Variants in TENM3 observed in about 807,000 individuals in gnomAD.
The protein encoded by TENM3 is teneurin-3.
In TENM3, 63 loss-of-function variants were observed where a neutral mutation model predicts 255.1. The observed-to-expected ratio is 0.25, with a 90% confidence interval of 0.20 to 0.30. The LOEUF (loss-of-function observed/expected upper bound fraction) is 0.30, where lower values mean the gene tolerates loss of function less well. Ranked by LOEUF, TENM3 falls within the 10% of genes least tolerant of loss-of-function variation. TENM3 has a pLI of 1.00. For synonymous variants in TENM3, 1,306 were observed against 1,322.3 expected (o/e 0.99, Z 0.27); for missense variants, 2,929 against 3,461.1 (o/e 0.85, Z 3.86).
At chr4:182,516,791 T>G (rs1427967016) in intron 3 of TENM3, among the ~76,000 whole-genome samples, 3 of 151,654 alleles carry the variant, frequency 2.0e-5, no homozygotes, top group African/African-American at 7.3e-5. Context: ...CATGGGAGGC[T>G]GAGACAGGAG....
chr4:182,096,078 C>G, the TENM3 span, among the ~76,000 whole-genome samples: 1 of 144,286 alleles, frequency 6.9e-6, no homozygotes, highest in African/African-American at 2.6e-5. Context: ...GACAGTGAGC[C>G]AAAATCATGC....
the TENM3 span, among the ~76,000 whole-genome samples, chr4:181,921,097 C>T: frequency 6.6e-6 from 1 of 152,156 alleles, no homozygotes; most frequent in African/African-American, 2.4e-5. Context: ...ATCTATGTCT[C>T]TGTTTTGGTA....
chr4:181,527,073 C>T, the TENM3 span, among the ~76,000 whole-genome samples: 9 of 115,054 alleles, frequency 7.8e-5, no homozygotes, highest in East Asian at 9.1e-4. Flanking sequence ...GCCCCCTGTG[C>T]GACCAGTCAG....
At chr4:182,683,054 GT>G (rs1756295616) in intron 11 of TENM3, among the ~76,000 whole-genome samples, 1 of 152,080 alleles carries the variant, frequency 6.6e-6, no homozygotes, top group Non-Finnish European at 1.5e-5. Context: ...CTGGGTAAGG[GT>G]ATAATTTTTG....
intron 6 of TENM3, among the ~76,000 whole-genome samples, chr4:182,670,703 T>A (rs910041760): frequency 1.3e-4 from 20 of 152,208 alleles, no homozygotes; most frequent in Non-Finnish European, 2.5e-4. Flanking sequence ...CATTTATCTG[T>A]AAGTGTGAAT....
the TENM3 span, among the ~76,000 whole-genome samples, chr4:182,109,458 A>G: frequency 6.6e-6 from 1 of 152,074 alleles, no homozygotes; most frequent in Non-Finnish European, 1.5e-5. Context: ...TCTCACTATG[A>G]CAGAAAGAAA....
the TENM3 span, among the ~76,000 whole-genome samples, chr4:181,991,652 G>T: frequency 6.6e-6 from 1 of 152,096 alleles, no homozygotes; most frequent in Non-Finnish European, 1.5e-5. Context: ...ACCTAAAGTG[G>T]CACTAATTGG....
chr4:182,457,375 A>G (rs998528135), intron 3 of TENM3, among the ~76,000 whole-genome samples: 1 of 152,070 alleles, frequency 6.6e-6, no homozygotes, highest in Non-Finnish European at 1.5e-5. Context: ...TTATTTACTG[A>G]AAGATAAGCA....
the TENM3 span, among the ~76,000 whole-genome samples, chr4:181,746,990 G>A: frequency 6.6e-6 from 1 of 152,016 alleles, no homozygotes; most frequent in Non-Finnish European, 1.5e-5. Flanking sequence ...CTCTGCATAT[G>A]TATATATTTG....
chr4:181,909,295 A>G, the TENM3 span, among the ~76,000 whole-genome samples: 2 of 152,224 alleles, frequency 1.3e-5, no homozygotes, highest in Non-Finnish European at 2.9e-5. Context: ...GTGATTTCGA[A>G]TATCTTTATT....
At chr4:182,617,465 G>A (rs1749648380) in intron 4 of TENM3, among the ~76,000 whole-genome samples, 1 of 152,114 alleles carries the variant, frequency 6.6e-6, no homozygotes, top group African/African-American at 2.4e-5. Flanking sequence ...ATTTGCTTTA[G>A]ATCTGAAAAT....
At chr4:182,202,021 T>C (rs1012543276) in intron 1 of TENM3, among the ~76,000 whole-genome samples, 6 of 152,228 alleles carry the variant, frequency 3.9e-5, no homozygotes, top group African/African-American at 1.4e-4. Context: ...ACTTCCAATA[T>C]GTAAACAAAA....
chr4:182,307,315 AT>A (rs535686998), intron 1 of TENM3, among the ~76,000 whole-genome samples: 175 of 152,278 alleles, frequency 1.1e-3, no homozygotes, highest in Non-Finnish European at 1.9e-3. Context: ...CAAAATAATC[AT>A]CGTAATCTGT....
At chr4:182,094,493 G>A in the TENM3 span, among the ~76,000 whole-genome samples, 15 of 152,124 alleles carry the variant, frequency 9.9e-5, no homozygotes, top group African/African-American at 2.4e-4. Flanking sequence ...TGATCCGCCC[G>A]CCTCGGCATC....
chr4:181,599,458 G>A, the TENM3 span, among the ~76,000 whole-genome samples: 1 of 152,168 alleles, frequency 6.6e-6, no homozygotes, highest in South Asian at 2.1e-4. Flanking sequence ...TTTGTTACAG[G>A]CAAATTATTG....
At chr4:182,387,409 G>A (rs558679413) in intron 3 of TENM3, among the ~76,000 whole-genome samples, 23 of 152,154 alleles carry the variant, frequency 1.5e-4, no homozygotes, top group Non-Finnish European at 2.4e-4. Flanking sequence ...CTCAGGGATT[G>A]TAAACGCACC....
At chr4:182,540,446 G>A (rs964642825) in intron 3 of TENM3, among the ~76,000 whole-genome samples, 2 of 152,180 alleles carry the variant, frequency 1.3e-5, no homozygotes, top group African/African-American at 4.8e-5. Context: ...AAAATTAGCC[G>A]GGCATGGTGG....
chr4:181,703,752 G>C, the TENM3 span, among the ~76,000 whole-genome samples: 2 of 152,198 alleles, frequency 1.3e-5, no homozygotes, highest in Middle Eastern at 6.8e-3. Context: ...TTGGCATCCA[G>C]GACTTATCTT....
intron 3 of TENM3, among the ~76,000 whole-genome samples, chr4:182,572,495 A>T (rs1744491949): frequency 6.6e-6 from 1 of 152,208 alleles, no homozygotes. Context: ...CATTTAATTA[A>T]TAGTACATTA....
Sources: gnomAD v4.1 joint callset for allele counts (sites outside exome capture counted in the v4.1 genomes callset) on GRCh38, gnomAD v4.1.1 for gene constraint, MANE v1.5 for transcripts, NCBI Gene and HGNC (gene_info 2026-07-23, HGNC 2026-07-21) for gene names.